The following C18orf63 variants were observed in gnomAD, a reference collection of about 807,000 sequenced individuals.
C18orf63 encodes chromosome 18 open reading frame 63, also known as uncharacterized protein C18orf63.
In C18orf63, 50 loss-of-function variants were observed where a neutral mutation model predicts 75.3. The ratio of observed to expected loss-of-function variants is 0.66; its 90% CI spans 0.53 to 0.84. The LOEUF (loss-of-function observed/expected upper bound fraction) is 0.84, where lower values mean the gene tolerates loss of function less well. Ranked by LOEUF, C18orf63 falls within the 40% of genes least tolerant of loss-of-function variation. The pLI is 0.00. For missense variants in C18orf63, 732 were observed against 800.2 expected (o/e 0.91, Z 1.03); for synonymous variants, 232 against 267.6 (o/e 0.87, Z 1.30).
chr18:74,340,424 G>A (rs1299465214), intron 8 of C18orf63, among the ~76,000 whole-genome samples: 1 of 152,136 alleles, frequency 6.6e-6, no homozygotes, highest in Non-Finnish European at 1.5e-5. Context: ...AATTAGTTCA[G>A]CCATCATGGA....
At chr18:74,347,250 T>C (rs113695060) in intron 11 of C18orf63, among the ~76,000 whole-genome samples, 306 of 152,304 alleles carry the variant, frequency 2.0e-3, no homozygotes, top group African/African-American at 6.8e-3. Context: ...TGATGTTTGT[T>C]AGGGACTGCC....
chr18:74,317,600 G>A (rs963740267), intron 1 of C18orf63, among the ~76,000 whole-genome samples: 3 of 152,078 alleles, frequency 2.0e-5, no homozygotes, highest in African/African-American at 4.8e-5. Context: ...ACATTAAATG[G>A]GTGAATTTTA....
intron 6 of C18orf63, among the ~76,000 whole-genome samples, chr18:74,330,430 A>G (rs1984285570): frequency 1.3e-5 from 2 of 152,132 alleles, no homozygotes; most frequent in Non-Finnish European, 2.9e-5. Context: ...GGAGATTTGG[A>G]ATATATCTGC....
At chr18:74,347,048 A>C (rs747086483) in intron 11 of C18orf63, among the ~76,000 whole-genome samples, 3 of 152,234 alleles carry the variant, frequency 2.0e-5, no homozygotes, top group African/African-American at 7.2e-5. Context: ...TGTAGCTAAG[A>C]GCTCAAGCTC....
In C18orf63 at chr18:74,317,978, C is replaced by G; in HGVS notation, c.113C>G (p.Thr38Ser). The G allele has an allele frequency of 6.6e-7, 1 of 1,516,250 alleles. No homozygotes were observed. The highest frequency in any genetic ancestry group is 8.8e-7 in the Non-Finnish European group (1 of 1,136,008). The allele number at this position is 1,516,250 out of a possible 1,614,324, so 93.9% of individuals were successfully genotyped here. A position where few individuals can be genotyped will look rare whatever the true frequency, so the allele number is the denominator to read the frequency against. ...SNKVADTEIR[T>S]IQMKMCRQLL... ...AAGGTGGCAGATACTGAGATTAGGACTATACAAATGAAGATGTGCAGGTAA... is the reference window on the plus strand; with the variant it reads ...AAGGTGGCAGATACTGAGATTAGGAGTATACAAATGAAGATGTGCAGGTAA... Residue 38 changes from threonine to serine, a missense_variant, in exon 2 of 14, where the codon ACT (threonine) becomes AGT (serine). Physicochemically the swap from Thr to Ser is moderately conservative, Grantham distance 58 (BLOSUM62 1). This residue lies in a region of C18orf63 where 233 missense variants were observed against 272.7 expected (regional missense o/e 0.85). Transcript: ENST00000579455.
At chr18:74,350,003 G>A (rs1984639770) in intron 11 of C18orf63, among the ~76,000 whole-genome samples, 1 of 152,190 alleles carries the variant, frequency 6.6e-6, no homozygotes, top group Non-Finnish European at 1.5e-5. Flanking sequence ...AGCACAAGGA[G>A]GAGGGTGGAA....
intron 11 of C18orf63, 47 bp from the exon 12 acceptor site, chr18:74,353,199 G>T (rs1278201977): frequency 4.4e-6 from 5 of 1,147,054 alleles, no homozygotes; most frequent in Non-Finnish European, 6.1e-6. Context: ...TTCCATTAAG[G>T]ACATTATTAA....
rs1305688438 is a variant in C18orf63, at chr18:74,343,720, C to T, written c.978+18C>T. Reference sequence around the variant, plus strand: ...ATATACAGGTAAGAGATCTCTTGTCCTATCTAGTTCTCCAAGACATACTAT... The same window carrying T: ...ATATACAGGTAAGAGATCTCTTGTCTTATCTAGTTCTCCAAGACATACTAT... On this transcript the variant is annotated intron_variant, in intron 11 of 13. Coordinates refer to ENST00000579455, the MANE Select transcript of C18orf63 (RefSeq NM_001174123.2). The T allele has an allele frequency of 1.4e-6, 2 of 1,427,424 alleles. No homozygotes were observed. Among genetic ancestry groups the T allele is most frequent in the African/African-American group, 2.9e-5 (2 of 69,188 alleles). 88.4% of individuals were successfully genotyped at this position (1,427,424 alleles called of 1,614,324 possible).
At chr18:74,325,892 A>T (rs1314071087) in intron 4 of C18orf63, among the ~76,000 whole-genome samples, 1 of 152,228 alleles carries the variant, frequency 6.6e-6, no homozygotes, top group Non-Finnish European at 1.5e-5. Flanking sequence ...CAAGGCATCC[A>T]GGTCACCAAG....
chr18:74,355,592 G>A (rs1984751322), intron 13 of C18orf63, among the ~76,000 whole-genome samples: 1 of 152,064 alleles, frequency 6.6e-6, no homozygotes, highest in East Asian at 1.9e-4. Flanking sequence ...ACCAGCCTGG[G>A]CAACATGGGT....
rs1984700286 is a variant in C18orf63, at chr18:74,353,304, C to T, written c.1037C>T (p.Thr346Ile). 2 of 1,536,362 alleles carry T rather than the reference C, an allele frequency of 1.3e-6. No homozygotes were observed. The highest frequency in any genetic ancestry group is 1.4e-5 in the African/African-American group (1 of 73,124). The part of the protein sequence containing the change: ...TTKKMLRASL[T>I]QATSRKPACA... ...AAAAAAATGCTTAGGGCATCTCTGA[C>T]TCAAGCCACTTCCAGAAAGCCTGCC... is the stretch of plus-strand genomic sequence containing the variant. Residue 346 changes from threonine (T) to isoleucine (I), a missense_variant, in exon 12 of 14, where the codon ACT (threonine) becomes ATT (isoleucine). This residue lies in a region of C18orf63 where 495 missense variants were observed against 508.7 expected (regional missense o/e 0.97). Coordinates refer to ENST00000579455, the MANE Select transcript of C18orf63 (RefSeq NM_001174123.2).
intron 11 of C18orf63, among the ~76,000 whole-genome samples, chr18:74,346,000 G>A (rs1365909525): frequency 6.6e-6 from 1 of 151,724 alleles, no homozygotes; most frequent in Non-Finnish European, 1.5e-5. Flanking sequence ...AGCATGCTGG[G>A]ATTTTGATGG....
rs547312328 is a variant in C18orf63 at position 74,355,854 on chromosome 18, C to T, written c.*34-627C>T. ...TGGAGATTGCAGTGAGCTGAGATCA[C>T]GCCATTGCACTCCAGCCTGGGTGAC... On this transcript the variant is annotated intron_variant, in intron 13 of 13. Coordinates refer to ENST00000579455, the MANE Select transcript of C18orf63 (RefSeq NM_001174123.2). Among the ~76,000 whole-genome samples, 41 of 152,176 alleles carry T rather than the reference C, an allele frequency of 2.7e-4. 1 individual carries two copies. In the South Asian group the frequency reaches 5.6e-3, roughly 21 times the overall value.
intron 8 of C18orf63, among the ~76,000 whole-genome samples, chr18:74,341,047 G>A (rs1308452798): frequency 6.7e-6 from 1 of 149,666 alleles, no homozygotes; most frequent in Non-Finnish European, 1.5e-5. Context: ...GGCGGATCAC[G>A]AGGTCCGGAG....
chr18:74,320,429 G>T (rs764008578), intron 2 of C18orf63, 84 bp from the exon 3 acceptor site: 3 of 908,804 alleles, frequency 3.3e-6, no homozygotes, highest in Non-Finnish European at 5.0e-6. Flanking sequence ...CCAACACTGG[G>T]GATTATAATT....
At chr18:74,326,673 C>A (rs1984213648) in intron 4 of C18orf63, among the ~76,000 whole-genome samples, 2 of 152,140 alleles carry the variant, frequency 1.3e-5, no homozygotes, top group African/African-American at 2.4e-5. Context: ...TTATCTTGTT[C>A]ATTTCCCATC....
chr18:74,333,480 A>C (rs1039760723), intron 7 of C18orf63, among the ~76,000 whole-genome samples: 3 of 152,198 alleles, frequency 2.0e-5, no homozygotes, highest in African/African-American at 7.2e-5. Context: ...GGCCTTAGGA[A>C]ATTTACAGTC....
chr18:74,334,752 A>G (rs1412710046), intron 7 of C18orf63, among the ~76,000 whole-genome samples: 1 of 152,130 alleles, frequency 6.6e-6, no homozygotes, highest in Non-Finnish European at 1.5e-5. Context: ...TCAAAAATCT[A>G]CCATGGCCTC....
In C18orf63 at chr18:74,357,758, T is replaced by A. The variant is rs757408209; in HGVS notation, c.*1311T>A. The stretch of plus-strand genomic sequence containing the variant: ...TTAATTAATTTGCTATATACCTTTA[T>A]TGTAAGCATTTCTGTTTTCCAGAAT... On this transcript the variant is annotated 3_prime_UTR_variant, in exon 14 of 14. Transcript: ENST00000579455. 2 of 152,248 alleles carry A rather than the reference T, an allele frequency of 1.3e-5. No homozygotes were observed. The highest frequency in any genetic ancestry group is 2.9e-5 in the Non-Finnish European group (2 of 68,034). 9.4% of individuals were successfully genotyped at this position (152,248 alleles called of 1,614,324 possible). A position where few individuals can be genotyped will look rare whatever the true frequency, so the allele number is the denominator to read the frequency against.
Sources: gnomAD v4.1 joint callset for allele counts (sites outside exome capture counted in the v4.1 genomes callset) on GRCh38, gnomAD v4.1.1 for gene constraint, gnomAD v4.1.1 regional missense constraint, MANE v1.5 for transcripts, NCBI Gene and HGNC (gene_info 2026-07-23, HGNC 2026-07-21) for gene names.